CTNNA2: variants seen among roughly 807,000 people sequenced by gnomAD.
CTNNA2 encodes catenin alpha-2.
CTNNA2 carries 42 observed loss-of-function variants against 101.0 expected under a neutral mutation model. The observed-to-expected ratio is 0.42, with a 90% CI of 0.32 to 0.54. The LOEUF (loss-of-function observed/expected upper bound fraction) is 0.54, where lower values mean the gene tolerates loss of function less well. Among genes scored for constraint, CTNNA2 ranks in the 20% least tolerant of loss-of-function variants. The probability of loss-of-function intolerance (pLI) is 0.14; values close to 1 mark genes in which losing one functional copy is unlikely to be tolerated. For synonymous variants in CTNNA2, 450 were observed against 456.4 expected, an observed-to-expected ratio of 0.99 and a Z score of 0.18; for missense variants, 871 against 1,223.1, an observed-to-expected ratio of 0.71 and a Z score of 4.29.
intron 9 of CTNNA2, among the ~76,000 whole-genome samples, chr2:80,455,846 A>C (rs1298200310): frequency 6.6e-6 from 1 of 152,096 alleles, no homozygotes; most frequent in African/African-American, 2.4e-5. Context: ...TATGAGCATA[A>C]TTTTGTTCTC....
intron 2 of CTNNA2, among the ~76,000 whole-genome samples, chr2:79,251,041 C>A (rs1055031226): frequency 6.6e-6 from 1 of 152,162 alleles, no homozygotes; most frequent in African/African-American, 2.4e-5. Flanking sequence ...TGGTTAAAAT[C>A]TGGCACTTCC....
At chr2:79,442,664 T>C (rs1199886221) in intron 4 of CTNNA2, among the ~76,000 whole-genome samples, 3 of 152,164 alleles carry the variant, frequency 2.0e-5, no homozygotes, top group Non-Finnish European at 4.4e-5. Context: ...AAATCACCAA[T>C]TCCTTTCTTT....
At chr2:79,339,918 A>G (rs1302834624) in intron 3 of CTNNA2, 1 of 152,152 alleles carries the variant, frequency 6.6e-6, no homozygotes, top group African/African-American at 2.4e-5. Context: ...TTTTCTATCA[A>G]CTCATTGGCA....
chr2:80,122,879 C>T (rs2148881101), intron 7 of CTNNA2, among the ~76,000 whole-genome samples: 1 of 152,216 alleles, frequency 6.6e-6, no homozygotes, highest in African/African-American at 2.4e-5. Flanking sequence ...TGTTAGTTTC[C>T]TGAGCAGACT....
intron 7 of CTNNA2, chr2:80,163,096 G>C: frequency 6.3e-7 from 1 of 1,580,668 alleles, no homozygotes; most frequent in South Asian, 1.1e-5. Context: ...AACGCAAACT[G>C]CTTTGGTTTA....
At chr2:79,320,195 GC>G (rs984991041) in intron 3 of CTNNA2, among the ~76,000 whole-genome samples, 33 of 151,098 alleles carry the variant, frequency 2.2e-4, no homozygotes, top group Admixed American at 8.6e-4. Flanking sequence ...CCTTCTTTTT[GC>G]CCATCTCAAG....
At chr2:79,856,874 C>A (rs1020025852) in intron 3 of CTNNA2, among the ~76,000 whole-genome samples, 1 of 152,196 alleles carries the variant, frequency 6.6e-6, no homozygotes, top group East Asian at 1.9e-4. Context: ...CAGACTAAAA[C>A]TGCATTTACC....
At chr2:80,539,902 G>A (rs1216662981) in intron 9 of CTNNA2, among the ~76,000 whole-genome samples, 1 of 152,188 alleles carries the variant, frequency 6.6e-6, no homozygotes, top group South Asian at 2.1e-4. Flanking sequence ...CCAGGAAGGC[G>A]ATTAAATCTT....
chr2:80,634,125 T>C (rs750632156), intron 18 of CTNNA2, among the ~76,000 whole-genome samples: 2 of 152,062 alleles, frequency 1.3e-5, no homozygotes, highest in Non-Finnish European at 2.9e-5. Flanking sequence ...TCGGCAAATA[T>C]TTATGGAGGA....
intron 2 of CTNNA2, among the ~76,000 whole-genome samples, chr2:79,707,045 C>G (rs1163814540): frequency 2.0e-5 from 3 of 152,120 alleles, no homozygotes; most frequent in African/African-American, 7.2e-5. Context: ...AACACAGGAT[C>G]AGAACTGCCA....
rs144882545 is a variant in CTNNA2, at chr2:80,491,510, A to G, written c.1291-53472A>G. Among the ~76,000 whole-genome samples, 703 of 152,342 alleles carry G rather than the reference A, an allele frequency of 4.6e-3. 3 individuals carry two copies. Among genetic ancestry groups the G allele is most frequent in the African/African-American group, 0.015 (607 of 41,580 alleles). On this transcript the variant is annotated intron_variant, in intron 9 of 18. Transcript: ENST00000402739. ...TAGTTACAATCCAATGACTTTTGCTAATATAATTCAGAAGGGATATATCAG... is the reference window on the plus strand; with the variant it reads ...TAGTTACAATCCAATGACTTTTGCTGATATAATTCAGAAGGGATATATCAG...
intron 2 of CTNNA2, among the ~76,000 whole-genome samples, chr2:79,675,309 C>A (rs528507060): frequency 8.5e-5 from 13 of 152,162 alleles, no homozygotes; most frequent in African/African-American, 2.6e-4. Flanking sequence ...ACCCATATTA[C>A]CTAATTTTAT....
At chr2:79,976,172 GA>G (rs2104588887) in intron 7 of CTNNA2, among the ~76,000 whole-genome samples, 1 of 152,260 alleles carries the variant, frequency 6.6e-6, no homozygotes, top group Non-Finnish European at 1.5e-5. Context: ...CTCACAAGAG[GA>G]AAATTTTATA....
Position 79,909,192 on chromosome 2 carries a change from A to C in CTNNA2, c.853-402A>C, listed in dbSNP as rs1685623843. On this transcript the variant is annotated intron_variant, in intron 6 of 18. Coordinates refer to ENST00000402739, the MANE Select transcript of CTNNA2 (RefSeq NM_001282597.3). ...ACGTGTGTGTATACAAGCCACAGCT[A>C]ATGCATAATTAAGATGTTGATTATT... 2.0e-5 allele frequency among the ~76,000 whole-genome samples: 3 copies of C among 152,184 alleles called. No individual in the cohort carries two copies. The South Asian group carries it at 6.2e-4, about 32-fold the overall frequency.
intron 4 of CTNNA2, among the ~76,000 whole-genome samples, chr2:79,474,781 A>C (rs1032141038): frequency 2.8e-4 from 42 of 152,170 alleles, no homozygotes; most frequent in African/African-American, 1.0e-3. Flanking sequence ...AGTCGTCATC[A>C]ATTCAATTAG....
intron 3 of CTNNA2, among the ~76,000 whole-genome samples, chr2:79,818,821 T>TTTTA (rs1553373413): frequency 0.091 from 6,742 of 74,110 alleles, 837 homozygotes; most frequent in Non-Finnish European, 0.095. Flanking sequence ...CAAAATGCAA[T>TTTTA]TATATATATA....
At chr2:79,851,637 C>T (rs1405841385) in intron 3 of CTNNA2, among the ~76,000 whole-genome samples, 4 of 150,892 alleles carry the variant, frequency 2.7e-5, no homozygotes, top group African/African-American at 7.3e-5. Flanking sequence ...AGGCAGGTGT[C>T]GGTTATCATG....
chr2:80,377,480 G>C (rs1367917268), intron 7 of CTNNA2, among the ~76,000 whole-genome samples: 1 of 152,146 alleles, frequency 6.6e-6, no homozygotes, highest in Non-Finnish European at 1.5e-5. Context: ...AGTGAGTTTA[G>C]GAAAATTGCC....
intron 13 of CTNNA2, among the ~76,000 whole-genome samples, chr2:80,577,542 T>C (rs891350269): frequency 3.3e-5 from 5 of 152,028 alleles, no homozygotes; most frequent in African/African-American, 1.2e-4. Context: ...GACTTAGACC[T>C]TAAAAGGACC....
Sources: gnomAD v4.1 joint callset for allele counts (sites outside exome capture counted in the v4.1 genomes callset) on GRCh38, gnomAD v4.1.1 for gene constraint, MANE v1.5 for transcripts, NCBI Gene and HGNC (gene_info 2026-07-23, HGNC 2026-07-21) for gene names.